Variants in BRWD1 observed in about 807,000 individuals in gnomAD.
BRWD1 encodes bromodomain and WD repeat domain containing 1.
BRWD1 carries 82 observed loss-of-function variants against 251.2 expected under a neutral mutation model. The observed-to-expected ratio is 0.33, with a 90% confidence interval of 0.27 to 0.39. The LOEUF (loss-of-function observed/expected upper bound fraction) is 0.39, where lower values mean the gene tolerates loss of function less well. Ranked by LOEUF, BRWD1 falls within the 10% of genes least tolerant of loss-of-function variation. The probability of loss-of-function intolerance (pLI) is 1.00; values close to 1 mark genes in which losing one functional copy is unlikely to be tolerated. For synonymous variants in BRWD1, 918 were observed against 902.8 expected, an observed-to-expected ratio of 1.02 and a Z score of -0.30; for missense variants, 2,233 against 2,711.6, an observed-to-expected ratio of 0.82 and a Z score of 3.92.
intron 8 of BRWD1, among the ~76,000 whole-genome samples, chr21:39,286,125 C>T (rs1156525995): frequency 6.6e-6 from 1 of 151,616 alleles, no homozygotes; most frequent in East Asian, 1.9e-4. Flanking sequence ...CGCCATTCTC[C>T]TGCCTCGGTC....
At chr21:39,294,169 T>A in intron 7 of BRWD1, 137 bp from the exon 8 acceptor site, 1 of 711,598 alleles carries the variant, frequency 1.4e-6, no homozygotes. Flanking sequence ...TGTAATAAAT[T>A]ATGACTATGG....
upstream of BRWD1, chr21:39,314,501 G>A: frequency 5.5e-6 from 2 of 363,738 alleles, no homozygotes; most frequent in Admixed American, 7.1e-5. Context: ...AAACTAGGGA[G>A]TCATGTGCAG....
Position 39,313,566 on chromosome 21 carries a change from T to G in BRWD1, c.-75A>C. 1 of 1,208,036 alleles carries G rather than the reference T, an allele frequency of 8.3e-7. No homozygotes were observed. Among genetic ancestry groups the G allele is most frequent in the East Asian group, 3.3e-5 (1 of 30,592 alleles). 74.8% of individuals were successfully genotyped at this position (1,208,036 alleles called of 1,614,324 possible). A position where few individuals can be genotyped will look rare whatever the true frequency, so the allele number is the denominator to read the frequency against. On this transcript the variant is annotated 5_prime_UTR_variant, in exon 1 of 41. Coordinates refer to ENST00000342449, the MANE Select transcript of BRWD1 (RefSeq NM_033656.4). ...AGGCCGCGCCGAGGCCTGACCGGGC[T>G]GGCGTCCCCTCTTCTCAGGCGCGCG...
chr21:39,272,894 G>A (rs1449991029), intron 13 of BRWD1, among the ~76,000 whole-genome samples: 1 of 152,172 alleles, frequency 6.6e-6, no homozygotes, highest in Non-Finnish European at 1.5e-5. Context: ...ATACAGGCAT[G>A]AGCCACTATG....
In BRWD1 at chr21:39,194,261, T is replaced by G; in HGVS notation, c.*1998A>C. 1 of 988,748 alleles carries G rather than the reference T, an allele frequency of 1.0e-6. No homozygotes were observed. Among genetic ancestry groups the G allele is most frequent in the Non-Finnish European group, 1.2e-6 (1 of 830,484 alleles). 61.2% of individuals were successfully genotyped at this position (988,748 alleles called of 1,614,324 possible). On this transcript the variant is annotated 3_prime_UTR_variant, in exon 41 of 41. Transcript: ENST00000342449. ...TATGAATGTATTCCATATTTATTTA[T>G]GGATTTTTTTGGTACCTTTTTGCAA...
chr21:39,266,452 A>G (rs962531556), intron 15 of BRWD1, among the ~76,000 whole-genome samples: 1 of 152,206 alleles, frequency 6.6e-6, no homozygotes, highest in African/African-American at 2.4e-5. Flanking sequence ...ACCTTCAGTC[A>G]TGGTTAAAGC....
chr21:39,278,019 T>G (rs2035331722), intron 10 of BRWD1, among the ~76,000 whole-genome samples: 1 of 151,920 alleles, frequency 6.6e-6, no homozygotes, highest in Non-Finnish European at 1.5e-5. Context: ...TAATTTTTGT[T>G]TTGTTTTTTT....
At chr21:39,284,807 T>C (rs1038928751) in intron 8 of BRWD1, among the ~76,000 whole-genome samples, 1 of 152,220 alleles carries the variant, frequency 6.6e-6, no homozygotes, top group Non-Finnish European at 1.5e-5. Context: ...TTATATGTTC[T>C]GGATATTAAC....
rs1203183443 is a variant in BRWD1, at chr21:39,185,702, G to C, written c.*10557C>G. 8.2e-5 allele frequency: 2 copies of C among 24,512 alleles called. No homozygotes were observed. Among genetic ancestry groups the C allele is most frequent in the Admixed American group, 4.1e-4 (1 of 2,420 alleles). The allele number at this position is 24,512 out of a possible 1,614,324, so 1.5% of individuals were successfully genotyped here. On this transcript the variant is annotated 3_prime_UTR_variant, in exon 41 of 41. Transcript: ENST00000342449. ...AGTATTTTAGACACTTGGTTCATCT[G>C]TATAACAAAAAAAAAAAAATGCATT...
chr21:39,196,078 G>A lies in BRWD1; in HGVS notation c.*181C>T. The A allele has an allele frequency of 2.2e-6, 3 of 1,363,566 alleles. No individual in the cohort carries two copies. Among genetic ancestry groups the A allele is most frequent in the Non-Finnish European group, 2.8e-6 (3 of 1,063,202 alleles). 84.5% of individuals were successfully genotyped at this position (1,363,566 alleles called of 1,614,324 possible). On this transcript the variant is annotated 3_prime_UTR_variant, in exon 41 of 41. Transcript: ENST00000342449. ...TATTTTGGCACCTGTGCTGAATGCT[G>A]CTACAAAGACCAGCAAGTGCAAATA...
At chr21:39,304,595 CA>C (rs1390544727) in intron 4 of BRWD1, among the ~76,000 whole-genome samples, 8 of 144,180 alleles carry the variant, frequency 5.5e-5, no homozygotes, top group African/African-American at 2.1e-4. Context: ...CCCTGGGCAA[CA>C]AAGTGAGAAC....
At chr21:39,292,132 TGGGGGG>T (rs1182694435) in intron 8 of BRWD1, among the ~76,000 whole-genome samples, 12 of 12,352 alleles carry the variant, frequency 9.7e-4, no homozygotes, top group Non-Finnish European at 1.2e-3. Context: ...TGGGTGGGGG[TGGGGGG>T]GGGGGTCTCA....
rs2146442737 is a variant in BRWD1, at chr21:39,192,167, C to T, written c.*4092G>A. ...AAAAATCTCTTACTTTTGAGAATCC[C>T]CATGTATCCTTGGGCAACATCTCTG... On this transcript the variant is annotated 3_prime_UTR_variant, in exon 41 of 41. Transcript: ENST00000342449. 2 of 985,152 alleles carry T rather than the reference C, an allele frequency of 2.0e-6. No homozygotes were observed. The highest frequency in any genetic ancestry group is 1.1e-4 in the East Asian group (1 of 8,814). The allele number at this position is 985,152 out of a possible 1,614,324, so 61.0% of individuals were successfully genotyped here.
upstream of BRWD1, chr21:39,314,983 T>C (rs1436355625): frequency 6.6e-6 from 1 of 152,238 alleles, no homozygotes; most frequent in Non-Finnish European, 1.5e-5. Context: ...CAAGTTGGCT[T>C]TTATTTACAC....
chr21:39,260,196 T>C (rs2034695730), intron 17 of BRWD1, among the ~76,000 whole-genome samples: 1 of 152,234 alleles, frequency 6.6e-6, no homozygotes, highest in Non-Finnish European at 1.5e-5. Flanking sequence ...TTAGAATTGC[T>C]TATAACACAA....
Position 39,232,517 on chromosome 21 carries a change from CAA to C in BRWD1, c.2767-21_2767-20del, listed in dbSNP as rs1568895313. Reference sequence around the variant, plus strand: ...GCAAATTCTACCAAGGGGAAGAGAACAAAGTTTCTTAGATTAGAAAGGGGCAG... The same window carrying C: ...GCAAATTCTACCAAGGGGAAGAGAACAGTTTCTTAGATTAGAAAGGGGCAG... On this transcript the variant is annotated intron_variant, in intron 23 of 40. Transcript: ENST00000342449. The C allele has an allele frequency of 6.3e-7, 1 of 1,579,516 alleles. No individual in the cohort carries two copies. Among genetic ancestry groups the C allele is most frequent in the East Asian group, 2.2e-5 (1 of 44,506 alleles).
intron 13 of BRWD1, among the ~76,000 whole-genome samples, chr21:39,270,956 C>T (rs140478226): frequency 6.6e-6 from 1 of 152,320 alleles, no homozygotes; most frequent in Non-Finnish European, 1.5e-5. Context: ...TTGGCAAGAA[C>T]GGTCTTGGAT....
In BRWD1 at chr21:39,196,526, C is replaced by A; in HGVS notation, c.6543G>T (p.Thr2181=). Residue 2181 remains threonine, a synonymous_variant, in exon 41 of 41, where the codon ACG becomes ACT. Coordinates refer to ENST00000342449, the MANE Select transcript of BRWD1 (RefSeq NM_033656.4). The stretch of plus-strand genomic sequence containing the variant: ...TTCTAACTACTTTTGCTTTTCCTTT[C>A]GTTTTCCTCCTTTTGGTTTTTGTAT... ...TDNTKTKRRK[T]KGKAKVVRKG... is the part of the protein sequence containing the mutation. 6.2e-7 allele frequency: 1 copy of A among 1,613,518 alleles called. No homozygotes were observed. Among genetic ancestry groups the A allele is most frequent in the Non-Finnish European group, 8.5e-7 (1 of 1,179,742 alleles).
intron 17 of BRWD1, among the ~76,000 whole-genome samples, chr21:39,262,933 T>C (rs1212114619): frequency 1.3e-5 from 2 of 151,788 alleles, no homozygotes; most frequent in Non-Finnish European, 2.9e-5. Flanking sequence ...CTGGGCAACA[T>C]GGCAAAACCC....
Sources: allele counts gnomAD v4.1 joint callset (sites outside exome capture counted in the v4.1 genomes callset), GRCh38; gene constraint gnomAD v4.1.1; transcripts MANE v1.5; gene names NCBI Gene and HGNC (gene_info 2026-07-23, HGNC 2026-07-21).